LPP: variants seen among roughly 807,000 people sequenced by gnomAD.
LPP encodes the protein lipoma-preferred partner.
LPP carries 38 observed loss-of-function variants against 60.4 expected under a neutral mutation model. That is an observed-to-expected ratio of 0.63 (90% CI 0.49 to 0.83). The LOEUF (loss-of-function observed/expected upper bound fraction) is 0.83, where lower values mean the gene tolerates loss of function less well. Ranked by LOEUF, LPP falls within the 40% of genes least tolerant of loss-of-function variation. The pLI is 0.00. For missense variants in LPP, 902 were observed against 783.6 expected (o/e 1.15, Z -1.80); for synonymous variants, 328 against 290.8 (o/e 1.13, Z -1.30).
intron 5 of LPP, among the ~76,000 whole-genome samples, chr3:188,505,930 C>T (rs909915784): frequency 1.3e-5 from 2 of 152,246 alleles, no homozygotes; most frequent in South Asian, 2.1e-4. Context: ...TATGACCTAC[C>T]TCATCCTATG....
chr3:188,463,676 G>A (rs1289021717), intron 4 of LPP, among the ~76,000 whole-genome samples: 1 of 152,148 alleles, frequency 6.6e-6, no homozygotes, highest in Non-Finnish European at 1.5e-5. Context: ...CTCTGGCAGA[G>A]ACCATAAGCA....
intron 4 of LPP, among the ~76,000 whole-genome samples, chr3:188,417,406 G>C (rs567624534): frequency 5.2e-4 from 79 of 152,076 alleles, no homozygotes; most frequent in Middle Eastern, 3.4e-3. Context: ...AGCAGAAAAG[G>C]GTGGTGGACA....
chr3:188,418,159 A>G (rs1262614360), intron 4 of LPP, among the ~76,000 whole-genome samples: 1 of 152,216 alleles, frequency 6.6e-6, no homozygotes, highest in African/African-American at 2.4e-5. Context: ...AAGACAAATG[A>G]AAAATCTGTG....
chr3:188,507,109 T>G (rs186652473), intron 5 of LPP, among the ~76,000 whole-genome samples: 69 of 152,318 alleles, frequency 4.5e-4, no homozygotes, highest in African/African-American at 1.7e-3. Flanking sequence ...TAACCTTTAT[T>G]TTATTGCGAG....
intron 9 of LPP, among the ~76,000 whole-genome samples, chr3:188,843,726 G>A (rs1577927585): frequency 7.0e-6 from 1 of 143,026 alleles, no homozygotes; most frequent in Admixed American, 7.7e-5. Context: ...GGCGGAGCTT[G>A]CAGGGAGCCG....
At chr3:188,340,396 CTTTTTTTTTTT>C (rs5855188) in intron 2 of LPP, among the ~76,000 whole-genome samples, 1 of 116,622 alleles carries the variant, frequency 8.6e-6, no homozygotes, top group Non-Finnish European at 1.8e-5. Context: ...CAATCATGCT[CTTTTTTTTTTT>C]TTTTTTTTTG....
intron 3 of LPP, among the ~76,000 whole-genome samples, chr3:188,382,140 G>A (rs994837332): frequency 3.9e-5 from 6 of 152,146 alleles, no homozygotes; most frequent in South Asian, 2.1e-4. Context: ...TTCCTTCTAC[G>A]GTTTGGCACC....
At chr3:188,858,711 A>G (rs1051355708) in intron 9 of LPP, among the ~76,000 whole-genome samples, 1 of 152,188 alleles carries the variant, frequency 6.6e-6, no homozygotes, top group Non-Finnish European at 1.5e-5. Flanking sequence ...TGTAGTCCAA[A>G]TACAAACAGA....
chr3:188,294,958 T>G (rs1747363318), intron 2 of LPP, among the ~76,000 whole-genome samples: 1 of 152,168 alleles, frequency 6.6e-6, no homozygotes, highest in Non-Finnish European at 1.5e-5. Flanking sequence ...CACAAAGGAT[T>G]TTTTCATTTA....
chr3:188,302,591 A>C (rs1244160611), intron 2 of LPP, among the ~76,000 whole-genome samples: 1 of 152,206 alleles, frequency 6.6e-6, no homozygotes, highest in Non-Finnish European at 1.5e-5. Context: ...GTTTTTGTTT[A>C]ACCTAATCTG....
At chr3:188,422,287 C>T (rs934222259) in intron 4 of LPP, among the ~76,000 whole-genome samples, 3 of 152,194 alleles carry the variant, frequency 2.0e-5, no homozygotes, top group South Asian at 4.1e-4. Context: ...TTCGACAGCA[C>T]GGTTTTCAAA....
chr3:188,383,118 C>T (rs2148574436), intron 3 of LPP, among the ~76,000 whole-genome samples: 1 of 152,200 alleles, frequency 6.6e-6, no homozygotes, highest in African/African-American at 2.4e-5. Flanking sequence ...TCTATTTTTG[C>T]CTTTATTATT....
At chr3:188,705,912 C>T (rs747946882) in intron 7 of LPP, among the ~76,000 whole-genome samples, 3 of 152,056 alleles carry the variant, frequency 2.0e-5, no homozygotes, top group Non-Finnish European at 2.9e-5. Flanking sequence ...CCACTGTGCC[C>T]GACCTGTGCT....
At chr3:188,652,508 T>C (rs546421674) in intron 7 of LPP, among the ~76,000 whole-genome samples, 1 of 152,296 alleles carries the variant, frequency 6.6e-6, no homozygotes, top group Non-Finnish European at 1.5e-5. Flanking sequence ...CAACAGATTC[T>C]GTATAATGCA....
chr3:188,390,963 G>A (rs974097921), intron 3 of LPP, among the ~76,000 whole-genome samples: 6 of 152,092 alleles, frequency 3.9e-5, no homozygotes, highest in African/African-American at 1.2e-4. Flanking sequence ...AGAATACTTC[G>A]GGGTCACAGA....
chr3:188,264,011 A>G (rs138218308), intron 2 of LPP, among the ~76,000 whole-genome samples: 1 of 152,320 alleles, frequency 6.6e-6, no homozygotes, highest in Non-Finnish European at 1.5e-5. Context: ...GAAGCCTTCC[A>G]CAGTTCCCAG....
intron 2 of LPP, chr3:188,240,170 T>C (rs1577473785): frequency 1.1e-5 from 2 of 184,622 alleles, no homozygotes; most frequent in East Asian, 8.8e-5. Flanking sequence ...AAGGTGGGGT[T>C]TATGTGTAAA....
At chr3:188,571,476 C>T (rs1833535354) in intron 6 of LPP, among the ~76,000 whole-genome samples, 1 of 151,476 alleles carries the variant, frequency 6.6e-6, no homozygotes, top group South Asian at 2.1e-4. Context: ...CAAAAATGAG[C>T]TGGTAGTAAT....
chr3:188,481,402 G>A (rs919350190), intron 4 of LPP, among the ~76,000 whole-genome samples: 2 of 152,138 alleles, frequency 1.3e-5, no homozygotes, highest in African/African-American at 4.8e-5. Context: ...TGTTTATCAC[G>A]AGGGCTTTTA....
Sources: gnomAD v4.1 joint callset for allele counts (sites outside exome capture counted in the v4.1 genomes callset) on GRCh38, gnomAD v4.1.1 for gene constraint, MANE v1.5 for transcripts, NCBI Gene and HGNC (gene_info 2026-07-23, HGNC 2026-07-21) for gene names.